Variants in PCNX2 observed in about 807,000 individuals in gnomAD.
PCNX2 encodes the protein pecanex 2, also known as pecanex-like protein 2.
PCNX2 carries 168 observed loss-of-function variants against 223.8 expected under a neutral mutation model. That is an observed-to-expected ratio of 0.75 (90% confidence interval 0.66 to 0.85). The LOEUF (loss-of-function observed/expected upper bound fraction) is 0.85, where lower values mean the gene tolerates loss of function less well. PCNX2 is among the 40% of genes least tolerant of loss of function. The pLI, the probability that PCNX2 is intolerant of heterozygous loss-of-function variation, is 0.00. For synonymous variants in PCNX2, 1,006 were observed against 1,052.6 expected, an observed-to-expected ratio of 0.96 and a Z score of 0.86; for missense variants, 2,507 against 2,675.5, an observed-to-expected ratio of 0.94 and a Z score of 1.39.
rs1419207486 is a variant in PCNX2 at position 233,161,288 on chromosome 1, C to T, written c.3349G>A (p.Val1117Ile). The T allele has an allele frequency of 1.9e-6, 3 of 1,613,664 alleles. No homozygotes were observed. The highest frequency in any genetic ancestry group is 2.5e-6 in the Non-Finnish European group (3 of 1,179,654). ...ATACATACTCGCAATGACAGGAATA[C>T]AGTGCTGGCGCTGACTGCAAATGAG... is the stretch of plus-strand genomic sequence containing the variant. ...VLSFAVSAST[V>I]FLSLRPFLSI... is the part of the protein sequence containing the mutation. The change falls in exon 18 of 34, where the codon GTA (valine) becomes ATA (isoleucine). Residue 1117 changes from valine (V) to isoleucine (I), a missense_variant. Around this residue, in one of 3 missense-constraint regions of PCNX2, gnomAD observed 1,372 missense variants for 1,509.4 expected, o/e 0.91. Transcript: ENST00000258229.
intron 12 of PCNX2, among the ~76,000 whole-genome samples, chr1:233,216,895 C>T (rs956277334): frequency 5.9e-5 from 9 of 152,226 alleles, no homozygotes; most frequent in Middle Eastern, 3.4e-3. Flanking sequence ...AGAAGACCAT[C>T]CTGTCATTTG....
chr1:233,283,935 G>C (rs1388912078), intron 1 of PCNX2, among the ~76,000 whole-genome samples: 2 of 152,128 alleles, frequency 1.3e-5, no homozygotes, highest in Non-Finnish European at 2.9e-5. Flanking sequence ...GGGACATCTG[G>C]CTGACACTAC....
At chr1:233,319,105 G>T in the PCNX2 span, among the ~76,000 whole-genome samples, 5 of 152,050 alleles carry the variant, frequency 3.3e-5, no homozygotes, top group Admixed American at 2.6e-4. Context: ...TCCCTCTCTC[G>T]GGTTGCTATC....
chr1:233,235,957 A>AAAAAAATATATATAT (rs369886650), intron 9 of PCNX2, among the ~76,000 whole-genome samples: 2 of 93,114 alleles, frequency 2.1e-5, no homozygotes, highest in African/African-American at 3.9e-5. Flanking sequence ...CATAAAAAAA[A>AAAAAAATATATATAT]ATATATATAT....
intron 15 of PCNX2, 147 bp downstream of exon 15, chr1:233,198,792 C>T: frequency 3.7e-6 from 3 of 802,642 alleles, no homozygotes; most frequent in East Asian, 5.6e-5. Context: ...TCTAACACTA[C>T]TGAGGCCTCA....
At chr1:233,149,150 T>C (rs1168875280) in intron 19 of PCNX2, among the ~76,000 whole-genome samples, 1 of 152,242 alleles carries the variant, frequency 6.6e-6, no homozygotes, top group Non-Finnish European at 1.5e-5. Flanking sequence ...TTTAGCATGA[T>C]TATTTCTCTT....
chr1:233,136,817 A>C (rs1676831447), intron 20 of PCNX2, among the ~76,000 whole-genome samples: 1 of 152,206 alleles, frequency 6.6e-6, no homozygotes, highest in African/African-American at 2.4e-5. Context: ...AACCCCAATG[A>C]TAAGGTATCT....
At chr1:233,261,595 A>G (rs1056677442) in intron 3 of PCNX2, among the ~76,000 whole-genome samples, 1 of 152,244 alleles carries the variant, frequency 6.6e-6, no homozygotes, top group Non-Finnish European at 1.5e-5. Flanking sequence ...CACTACTTAC[A>G]CTATAGTGAA....
intron 21 of PCNX2, among the ~76,000 whole-genome samples, chr1:233,099,013 A>G (rs1674334391): frequency 6.6e-6 from 1 of 152,168 alleles, no homozygotes; most frequent in Non-Finnish European, 1.5e-5. Context: ...TCTTCCCAAA[A>G]CTGAAACTTA....
Position 233,219,257 on chromosome 1 carries a change from G to C in PCNX2, c.2505-1073C>G, listed in dbSNP as rs1657220691. Among the ~76,000 whole-genome samples the C allele has an allele frequency of 2.0e-5, 3 of 152,176 alleles. No homozygotes were observed. In the South Asian group the frequency reaches 6.2e-4, roughly 32 times the overall value. On this transcript the variant is annotated intron_variant, in intron 10 of 33. Coordinates refer to ENST00000258229, the MANE Select transcript of PCNX2 (RefSeq NM_014801.4). ...AGATGGCAAGGGCTGCAAGGTAAGA[G>C]AAATATGGTGGGGCAAATTGCTGGA...
intron 23 of PCNX2, among the ~76,000 whole-genome samples, chr1:233,088,964 A>G (rs1673738309): frequency 6.6e-6 from 1 of 152,208 alleles, no homozygotes. Context: ...ACAGATGAGG[A>G]AAAGGAGGCC....
At chr1:233,082,592 G>C (rs1254986376) in intron 23 of PCNX2, among the ~76,000 whole-genome samples, 1 of 152,100 alleles carries the variant, frequency 6.6e-6, no homozygotes, top group Non-Finnish European at 1.5e-5. Flanking sequence ...TTAAAGGAAG[G>C]GCAGCTTTTA....
chr1:233,275,074 A>G (rs952079582), intron 1 of PCNX2, among the ~76,000 whole-genome samples: 2 of 152,242 alleles, frequency 1.3e-5, no homozygotes, highest in Non-Finnish European at 2.9e-5. Context: ...AATCACTTCA[A>G]AAACAGTAAA....
intron 25 of PCNX2, among the ~76,000 whole-genome samples, chr1:233,051,922 T>C (rs1457452541): frequency 6.6e-6 from 1 of 152,128 alleles, no homozygotes; most frequent in Non-Finnish European, 1.5e-5. Context: ...AGAGCTGAGA[T>C]TCAGAAATTC....
At chr1:233,005,629 A>G (rs992889564) in intron 28 of PCNX2, among the ~76,000 whole-genome samples, 5 of 152,248 alleles carry the variant, frequency 3.3e-5, no homozygotes, top group African/African-American at 7.2e-5. Flanking sequence ...AGATCAAGGC[A>G]TCCTAAAAGG....
intron 26 of PCNX2, among the ~76,000 whole-genome samples, chr1:233,020,826 T>G (rs1670863538): frequency 6.6e-6 from 1 of 152,188 alleles, no homozygotes; most frequent in African/African-American, 2.4e-5. Flanking sequence ...TCAAATATAT[T>G]CATACAGGGT....
intron 32 of PCNX2, among the ~76,000 whole-genome samples, chr1:232,997,970 C>T (rs554660139): frequency 1.1e-4 from 16 of 151,976 alleles, no homozygotes; most frequent in South Asian, 2.1e-4. Flanking sequence ...GAGTGAGAGA[C>T]GGAAAGATGG....
chr1:233,167,578 TA>T, intron 17 of PCNX2: 1 of 342,886 alleles, frequency 2.9e-6, no homozygotes, highest in African/African-American at 2.2e-5. Context: ...CAAAAACAAA[TA>T]AAAATGGGTA....
intron 15 of PCNX2, among the ~76,000 whole-genome samples, chr1:233,187,592 T>C (rs1267582732): frequency 6.6e-6 from 1 of 152,214 alleles, no homozygotes; most frequent in East Asian, 1.9e-4. Context: ...AATTCCATTT[T>C]GAACAACTTC....
Sources: gnomAD v4.1 joint callset for allele counts (sites outside exome capture counted in the v4.1 genomes callset) on GRCh38, gnomAD v4.1.1 for gene constraint, gnomAD v4.1.1 regional missense constraint, MANE v1.5 for transcripts, NCBI Gene and HGNC (gene_info 2026-07-23, HGNC 2026-07-21) for gene names.